WDR64: variants seen among roughly 807,000 people sequenced by gnomAD.
WDR64 encodes the protein WD repeat domain 64.
A neutral mutation model predicts 139.3 loss-of-function variants in WDR64; 112 were observed. That is an observed-to-expected ratio of 0.80 (90% CI 0.69 to 0.94). The LOEUF (loss-of-function observed/expected upper bound fraction) is 0.94. WDR64 is among the 40% of genes least tolerant of loss of function. The pLI, the probability that WDR64 is intolerant of heterozygous loss-of-function variation, is 0.00. For missense variants in WDR64, 1,206 were observed against 1,293.1 expected (o/e 0.93, Z 1.03); for synonymous variants, 444 against 437.7 (o/e 1.01, Z -0.18).
intron 8 of WDR64, among the ~76,000 whole-genome samples, chr1:241,706,213 C>A (rs1377267415): frequency 6.6e-6 from 1 of 152,204 alleles, no homozygotes; most frequent in Non-Finnish European, 1.5e-5. Flanking sequence ...ATCAGGTCGA[C>A]CCTGGCTGGA....
Position 241,652,638 on chromosome 1 carries a change from A to G in WDR64, c.145+9A>G, listed in dbSNP as rs1364429816. 3.2e-6 allele frequency: 5 copies of G among 1,551,426 alleles called. No individual in the cohort carries two copies. In the African/African-American group the frequency reaches 6.8e-5, roughly 21 times the overall value. ...ATTTATCCATAAAGAAGGTAAGATC[A>G]GTGATTACACGATAGTCCAATTGGG... On this transcript the variant is annotated intron_variant, in intron 1 of 27. Transcript: ENST00000437684.
At chr1:241,774,055 G>A (rs748016998) in intron 20 of WDR64, among the ~76,000 whole-genome samples, 2 of 152,248 alleles carry the variant, frequency 1.3e-5, no homozygotes, top group Non-Finnish European at 2.9e-5. Flanking sequence ...AATGATTTAG[G>A]GTGGAATTAA....
intron 10 of WDR64, among the ~76,000 whole-genome samples, chr1:241,729,165 G>A (rs1668976634): frequency 1.3e-5 from 2 of 152,100 alleles, no homozygotes; most frequent in South Asian, 4.1e-4. Context: ...TGTAAGCCTT[G>A]CCACTGGTCA....
chr1:241,773,087 G>A (rs1040494471), intron 20 of WDR64, among the ~76,000 whole-genome samples, 156 bp downstream of exon 20: 11 of 152,230 alleles, frequency 7.2e-5, no homozygotes, highest in African/African-American at 1.4e-4. Flanking sequence ...TATTGATAAC[G>A]CTATCCAAAC....
intron 19 of WDR64, among the ~76,000 whole-genome samples, chr1:241,771,978 A>ATATATATATT (rs1404887064): frequency 2.3e-5 from 3 of 128,062 alleles, no homozygotes; most frequent in African/African-American, 8.9e-5. Flanking sequence ...ATATATATAT[A>ATATATATATT]TATATATATA....
chr1:241,780,856 G>C (rs1420547020), intron 22 of WDR64, among the ~76,000 whole-genome samples: 3 of 152,130 alleles, frequency 2.0e-5, no homozygotes. Flanking sequence ...ATGAAGTCAG[G>C]GCCAGGGTCG....
chr1:241,764,207 G>C (rs565362956), intron 15 of WDR64, among the ~76,000 whole-genome samples: 1 of 152,176 alleles, frequency 6.6e-6, no homozygotes, highest in African/African-American at 2.4e-5. Context: ...ATAACAAATG[G>C]AAGGCCATGG....
rs138513526 is a variant in WDR64, at chr1:241,784,976, A to AAAAAAAAAAAAAAAAAAAAAAAG, written c.2705+1595_2705+1596insAAAAAAAAAAAAAAAAAAAAAAG. 1.5e-3 allele frequency among the ~76,000 whole-genome samples: 145 copies of AAAAAAAAAAAAAAAAAAAAAAAG among 98,444 alleles called. 25 individuals carry two copies. Among genetic ancestry groups the AAAAAAAAAAAAAAAAAAAAAAAG allele is most frequent in the Middle Eastern group, 7.6e-3 (1 of 132 alleles). The allele number at this position is 98,444 out of a possible 152,430, so 64.6% of individuals were successfully genotyped here. A position where few individuals can be genotyped will look rare whatever the true frequency, so the allele number is the denominator to read the frequency against. Reference sequence around the variant, plus strand: ...CTGAAAAAAAAAAAAAAAAAAAAAAAGAAAGGACATCTGCTGTTTTATTTG... The same window carrying AAAAAAAAAAAAAAAAAAAAAAAG: ...CTGAAAAAAAAAAAAAAAAAAAAAAAAAAAAAAAAAAAAAAAAAAAAAGGAAAGGACATCTGCTGTTTTATTTG... On this transcript the variant is annotated intron_variant, in intron 23 of 27. Transcript: ENST00000437684.
intron 10 of WDR64, among the ~76,000 whole-genome samples, chr1:241,727,162 C>T (rs1442052052): frequency 6.6e-6 from 1 of 152,204 alleles, no homozygotes; most frequent in African/African-American, 2.4e-5. Flanking sequence ...GCTGGGATTA[C>T]AGGTGTGAGC....
chr1:241,712,039 A>C (rs1175078744), intron 9 of WDR64, among the ~76,000 whole-genome samples, 158 bp downstream of exon 9: 1 of 152,234 alleles, frequency 6.6e-6, no homozygotes, highest in Non-Finnish European at 1.5e-5. Flanking sequence ...TTGATAACAT[A>C]CTTAGAAAAG....
Position 241,723,358 on chromosome 1 carries a change from T to A in WDR64, c.1116T>A (p.Leu372=), listed in dbSNP as rs747119154. The A allele has an allele frequency of 6.2e-7, 1 of 1,614,058 alleles. No homozygotes were observed. The highest frequency in any genetic ancestry group is 2.2e-5 in the East Asian group (1 of 44,870). ...TCAGCACCAAGCCAGTAGGGAAACT[T>A]GTAGGACACATGTTCAGTATCGCCG... ...PNISTKPVGK[L]VGHMFSIAEI... Residue 372 remains leucine (L), a synonymous_variant, in exon 10 of 28, where the codon CTT becomes CTA. Coordinates refer to ENST00000437684, the MANE Select transcript of WDR64 (RefSeq NM_001367482.1).
chr1:241,729,166 C>G (rs1668976748), intron 10 of WDR64, among the ~76,000 whole-genome samples: 1 of 152,166 alleles, frequency 6.6e-6, no homozygotes, highest in South Asian at 2.1e-4. Flanking sequence ...GTAAGCCTTG[C>G]CACTGGTCAG....
chr1:241,716,370 G>C (rs981137071), intron 9 of WDR64, among the ~76,000 whole-genome samples: 1 of 151,398 alleles, frequency 6.6e-6, no homozygotes, highest in Non-Finnish European at 1.5e-5. Context: ...TGACCATCAA[G>C]AATATTTTTG....
intron 23 of WDR64, 128 bp from the exon 24 acceptor site, chr1:241,787,721 G>C: frequency 4.4e-6 from 3 of 677,474 alleles, no homozygotes; most frequent in Non-Finnish European, 7.1e-6. Context: ...TTCATAGAAA[G>C]GGTCTTGAAC....
At position 241,741,523 on chromosome 1, in the gene WDR64, T is replaced by C; in HGVS notation, c.1329T>C (p.Ser443=). 1 of 1,603,910 alleles carries C rather than the reference T, an allele frequency of 6.2e-7. No homozygotes were observed. Among genetic ancestry groups the C allele is most frequent in the Non-Finnish European group, 8.5e-7 (1 of 1,177,326 alleles). The change falls in exon 12 of 28, where the codon AGT becomes AGC. Residue 443 remains serine, a synonymous_variant. Coordinates refer to ENST00000437684, the MANE Select transcript of WDR64 (RefSeq NM_001367482.1). The part of the protein sequence containing the change: ...ANHGMLITGS[S]VMDMYPLTRM... Reference sequence around the variant, plus strand: ...TTCTTACTTCTGTTCCAGGATCTAGTGTTATGGACATGTATCCTTTGACTA... The same window carrying C: ...TTCTTACTTCTGTTCCAGGATCTAGCGTTATGGACATGTATCCTTTGACTA...
At chr1:241,652,670 G>C (rs766154573) in intron 1 of WDR64, 41 bp downstream of exon 1, 2 of 1,542,784 alleles carry the variant, frequency 1.3e-6, no homozygotes, top group Non-Finnish European at 1.7e-6. Context: ...TGGGTCTGTT[G>C]GTTAGAACTG....
At chr1:241,726,481 G>A (rs945691520) in intron 10 of WDR64, among the ~76,000 whole-genome samples, 1 of 152,038 alleles carries the variant, frequency 6.6e-6, no homozygotes, top group Admixed American at 6.6e-5. Context: ...CTAAAAGCGG[G>A]TGAGTTTTAA....
intron 7 of WDR64, among the ~76,000 whole-genome samples, 152 bp from the exon 8 acceptor site, chr1:241,687,304 TAAAAA>T (rs11433746): frequency 7.9e-6 from 1 of 126,512 alleles, no homozygotes; most frequent in Non-Finnish European, 1.7e-5. Context: ...AGACTCCATC[TAAAAA>T]AAAAAAAAAA....
At chr1:241,757,998 G>A (rs538095101) in intron 15 of WDR64, among the ~76,000 whole-genome samples, 4 of 152,016 alleles carry the variant, frequency 2.6e-5, no homozygotes, top group African/African-American at 9.7e-5. Context: ...CTTATGGTTG[G>A]TTTCAACAAC....
Sources: allele counts gnomAD v4.1 joint callset (sites outside exome capture counted in the v4.1 genomes callset), GRCh38; gene constraint gnomAD v4.1.1; transcripts MANE v1.5; gene names NCBI Gene and HGNC (gene_info 2026-07-23, HGNC 2026-07-21).